Variants in TMEM163 observed in about 807,000 individuals in gnomAD.
TMEM163 encodes the protein transmembrane protein 163.
TMEM163 carries 17 observed loss-of-function variants against 29.3 expected under a neutral mutation model. The ratio of observed to expected loss-of-function variants is 0.58; its 90% CI spans 0.40 to 0.87. TMEM163 has a LOEUF of 0.87. Among genes scored for constraint, TMEM163 ranks in the 40% least tolerant of loss-of-function variants. The probability of loss-of-function intolerance (pLI) is 0.00; values close to 1 mark genes in which losing one functional copy is unlikely to be tolerated. For synonymous variants in TMEM163, 157 were observed against 160.6 expected, an observed-to-expected ratio of 0.98 and a Z score of 0.17; for missense variants, 303 against 381.5, an observed-to-expected ratio of 0.79 and a Z score of 1.71.
intron 2 of TMEM163, among the ~76,000 whole-genome samples, chr2:134,625,889 G>A (rs777718386): frequency 2.0e-5 from 3 of 152,056 alleles, no homozygotes; most frequent in East Asian, 1.9e-4. Flanking sequence ...TCCCCAACCC[G>A]CTTACAGCGT....
intron 2 of TMEM163, among the ~76,000 whole-genome samples, chr2:134,621,135 G>C (rs1187104589): frequency 6.6e-6 from 1 of 152,118 alleles, no homozygotes; most frequent in Admixed American, 6.5e-5. Flanking sequence ...AATAAAAGGA[G>C]TAAAACAGCT....
At chr2:134,702,881 C>T (rs1684733591) in intron 2 of TMEM163, among the ~76,000 whole-genome samples, 1 of 152,110 alleles carries the variant, frequency 6.6e-6, no homozygotes, top group African/African-American at 2.4e-5. Flanking sequence ...ACAGCCCCCA[C>T]CACAGCAGGT....
chr2:134,471,318 TA>T (rs1324179707), intron 5 of TMEM163, among the ~76,000 whole-genome samples: 2 of 152,322 alleles, frequency 1.3e-5, no homozygotes, highest in African/African-American at 2.4e-5. Context: ...GATTAGGTCA[TA>T]GGGGGACCTC....
intron 2 of TMEM163, among the ~76,000 whole-genome samples, chr2:134,712,088 G>C (rs1452309083): frequency 6.6e-6 from 1 of 152,134 alleles, no homozygotes; most frequent in Non-Finnish European, 1.5e-5. Flanking sequence ...TGGCTCACCG[G>C]TAAAAAACGT....
chr2:134,514,929 T>C (rs1050482958), intron 4 of TMEM163, among the ~76,000 whole-genome samples: 10 of 152,164 alleles, frequency 6.6e-5, no homozygotes, highest in African/African-American at 1.9e-4. Flanking sequence ...TGAGATCTCA[T>C]GTGGAAAAGG....
chr2:134,519,661 G>A lies in TMEM163; in HGVS notation c.459-16664C>T, dbSNP rs1178531738. On this transcript the variant is annotated intron_variant, in intron 4 of 7. Coordinates refer to ENST00000281924, the MANE Select transcript of TMEM163 (RefSeq NM_030923.5). ...CAGGAGGCAGAGCTTGCAGTGAGCC[G>A]AGATCGTGCCACTGCCCTCCAGCCT... Among the ~76,000 whole-genome samples, 4 of 151,890 alleles carry A rather than the reference G, an allele frequency of 2.6e-5. No homozygotes were observed. The East Asian group carries it at 7.7e-4, about 29-fold the overall frequency.
intron 4 of TMEM163, among the ~76,000 whole-genome samples, chr2:134,531,043 A>C (rs1680405389): frequency 6.6e-6 from 1 of 152,108 alleles, no homozygotes; most frequent in African/African-American, 2.4e-5. Context: ...TCTGGTTTTG[A>C]TGCAGAGTGG....
chr2:134,498,380 C>T (rs1301969011), intron 5 of TMEM163, among the ~76,000 whole-genome samples: 4 of 121,564 alleles, frequency 3.3e-5, no homozygotes, highest in East Asian at 2.5e-4. Context: ...TTTTTTGAGA[C>T]GGAGTCTTGC....
At chr2:134,545,761 A>G (rs561708838) in intron 4 of TMEM163, among the ~76,000 whole-genome samples, 1 of 152,310 alleles carries the variant, frequency 6.6e-6, no homozygotes, top group South Asian at 2.1e-4. Context: ...ATCTGTGCCA[A>G]TAAATGAAAC....
chr2:134,456,970 C>G (rs1686411333), intron 7 of TMEM163, among the ~76,000 whole-genome samples, 194 bp from the exon 8 acceptor site: 2 of 152,086 alleles, frequency 1.3e-5, no homozygotes, highest in Non-Finnish European at 2.9e-5. Flanking sequence ...CATTCACTCC[C>G]CATCCTCCCC....
At position 134,528,630 on chromosome 2, in the gene TMEM163, GA is replaced by G. The variant is rs1406495726; in HGVS notation, c.458+21939del. 2.0e-5 allele frequency among the ~76,000 whole-genome samples: 3 copies of G among 152,204 alleles called. 1 individual carries two copies. The highest frequency in any genetic ancestry group is 1.5e-5 in the Non-Finnish European group (1 of 67,988). On this transcript the variant is annotated intron_variant, in intron 4 of 7. Coordinates refer to ENST00000281924, the MANE Select transcript of TMEM163 (RefSeq NM_030923.5). ...TCAATTCTTAAGCCATTTGAAAAGT[GA>G]AAAAAAGTTGTAATGATACCACTTT...
rs149206594 is a variant in TMEM163 at position 134,642,350 on chromosome 2, G to A, written c.322+70850C>T. ...TCATCATGTCGGCCAGGTTGGTCTCGAACTCCTAACCTCAGGTGATCCACC... is the reference window on the plus strand; with the variant it reads ...TCATCATGTCGGCCAGGTTGGTCTCAAACTCCTAACCTCAGGTGATCCACC... On this transcript the variant is annotated intron_variant, in intron 2 of 7. Transcript: ENST00000281924. Among the ~76,000 whole-genome samples the A allele has an allele frequency of 2.1e-3, 314 of 152,064 alleles. 1 individual carries two copies. Among genetic ancestry groups the A allele is most frequent in the African/African-American group, 6.2e-3 (258 of 41,492 alleles).
chr2:134,577,948 A>G (rs1182718993), intron 2 of TMEM163, among the ~76,000 whole-genome samples: 1 of 152,222 alleles, frequency 6.6e-6, no homozygotes, highest in African/African-American at 2.4e-5. Context: ...TGTGTAGGTT[A>G]CATGCAAAAT....
At chr2:134,670,057 G>A (rs1204248779) in intron 2 of TMEM163, among the ~76,000 whole-genome samples, 2 of 152,020 alleles carry the variant, frequency 1.3e-5, no homozygotes, top group Non-Finnish European at 2.9e-5. Flanking sequence ...AATAAAGAGC[G>A]ATTACTGCTG....
intron 2 of TMEM163, among the ~76,000 whole-genome samples, chr2:134,711,998 T>C (rs1003467658): frequency 6.6e-6 from 1 of 152,192 alleles, no homozygotes; most frequent in African/African-American, 2.4e-5. Context: ...CTTGTTATTC[T>C]TGTTACAGCA....
At chr2:134,463,553 T>C (rs562075066) in intron 6 of TMEM163, among the ~76,000 whole-genome samples, 4 of 152,216 alleles carry the variant, frequency 2.6e-5, no homozygotes, top group Non-Finnish European at 4.4e-5. Context: ...GATGTCTCAG[T>C]GGGTGACGGA....
intron 2 of TMEM163, among the ~76,000 whole-genome samples, chr2:134,573,033 C>G (rs1681468843): frequency 6.6e-6 from 1 of 152,190 alleles, no homozygotes; most frequent in Non-Finnish European, 1.5e-5. Flanking sequence ...ACCGAGGGAT[C>G]TCCCACACCC....
intron 4 of TMEM163, among the ~76,000 whole-genome samples, chr2:134,549,756 C>T (rs942084292): frequency 6.6e-6 from 1 of 152,144 alleles, no homozygotes; most frequent in Non-Finnish European, 1.5e-5. Context: ...GCCCTGATAC[C>T]CACACATACA....
At chr2:134,616,048 G>T (rs1323068037) in intron 2 of TMEM163, among the ~76,000 whole-genome samples, 1 of 152,188 alleles carries the variant, frequency 6.6e-6, no homozygotes, top group Admixed American at 6.5e-5. Flanking sequence ...ATGAGACGTG[G>T]CTTTACCAGT....
Sources: allele counts gnomAD v4.1 joint callset (sites outside exome capture counted in the v4.1 genomes callset), GRCh38; gene constraint gnomAD v4.1.1; transcripts MANE v1.5; gene names NCBI Gene and HGNC (gene_info 2026-07-23, HGNC 2026-07-21).